Variants in PRCC observed in about 807,000 individuals in gnomAD.
PRCC encodes proline rich mitotic checkpoint control factor.
In PRCC, 10 loss-of-function variants were observed where a neutral mutation model predicts 44.0. That is an observed-to-expected ratio of 0.23 (90% CI 0.14 to 0.39). The LOEUF (loss-of-function observed/expected upper bound fraction) is 0.39, where lower values mean the gene tolerates loss of function less well. Ranked by LOEUF, PRCC falls within the 10% of genes least tolerant of loss-of-function variation. PRCC has a pLI of 1.00. For synonymous variants in PRCC, 278 were observed against 259.5 expected (o/e 1.07, Z -0.69); for missense variants, 573 against 624.7 (o/e 0.92, Z 0.88).
chr1:156,779,888 C>T (rs989422650), intron 1 of PRCC, among the ~76,000 whole-genome samples: 11 of 151,184 alleles, frequency 7.3e-5, no homozygotes, highest in African/African-American at 2.4e-4. Flanking sequence ...AGCCACCATG[C>T]CTGGTCTATT....
intron 6 of PRCC, among the ~76,000 whole-genome samples, chr1:156,798,891 G>A (rs1652753881): frequency 6.7e-6 from 1 of 149,974 alleles, no homozygotes; most frequent in Non-Finnish European, 1.5e-5. Context: ...TGAAAAACAC[G>A]AGAACTGAGA....
chr1:156,794,575 A>G, intron 4 of PRCC, 90 bp from the exon 5 acceptor site: 6 of 1,499,762 alleles, frequency 4.0e-6, no homozygotes, highest in South Asian at 1.3e-5. Context: ...TTGGTGAGTC[A>G]CAAAATCATT....
chr1:156,787,450 GATATATATATATATATATATATATAT>G (rs57206380), intron 3 of PRCC, among the ~76,000 whole-genome samples: 4,199 of 124,852 alleles, frequency 0.034, 144 homozygotes, highest in East Asian at 0.072. Context: ...ATTTGTGATT[GATATATATATATATATATATATATAT>G]ATATATATAT....
intron 1 of PRCC, among the ~76,000 whole-genome samples, chr1:156,768,456 C>T (rs1248089736): frequency 6.6e-6 from 1 of 152,190 alleles, no homozygotes; most frequent in Non-Finnish European, 1.5e-5. Flanking sequence ...GGCTTGCCTG[C>T]AGAAGGCCAC....
In PRCC at chr1:156,786,850, C is replaced by T. The variant is rs1484470332; in HGVS notation, c.759C>T (p.Ala253=). 5.0e-6 allele frequency: 8 copies of T among 1,614,092 alleles called. No individual in the cohort carries two copies. The highest frequency in any genetic ancestry group is 2.2e-5 in the South Asian group (2 of 91,086). The change falls in exon 3 of 7, where the codon GCC becomes GCT. Residue 253 remains alanine, a synonymous_variant. Coordinates refer to ENST00000271526, the MANE Select transcript of PRCC (RefSeq NM_005973.5). The part of the protein sequence containing the change: ...SAIKAAAKSA[A]LQVTKQITQE... ...TCAAGGCTGCTGCCAAGAGTGCTGC[C>T]CTGCAGGTGACAAAGCAGATCACGC...
At chr1:156,791,388 C>T in intron 3 of PRCC, 1 of 468,494 alleles carries the variant, frequency 2.1e-6, no homozygotes, top group Non-Finnish European at 4.0e-6. Context: ...GAGAGTCTCT[C>T]TTAGGAAGTA....
chr1:156,775,099 T>G (rs1651774055), intron 1 of PRCC, among the ~76,000 whole-genome samples: 2 of 151,726 alleles, frequency 1.3e-5, no homozygotes. Flanking sequence ...ATACAAAAAA[T>G]TAGCCAAGCG....
intron 2 of PRCC, among the ~76,000 whole-genome samples, chr1:156,783,111 T>G (rs901297122): frequency 1.3e-5 from 2 of 151,954 alleles, no homozygotes. Context: ...TCCATGTTGG[T>G]CAGGCTGGTC....
intron 3 of PRCC, among the ~76,000 whole-genome samples, chr1:156,788,814 A>T (rs1177869542): frequency 6.6e-6 from 1 of 151,776 alleles, no homozygotes; most frequent in African/African-American, 2.4e-5. Flanking sequence ...GGCATGCGCC[A>T]CCATGACCCG....
At chr1:156,769,052 C>A (rs142742644) in intron 1 of PRCC, among the ~76,000 whole-genome samples, 1 of 152,312 alleles carries the variant, frequency 6.6e-6, no homozygotes, top group East Asian at 1.9e-4. Flanking sequence ...ATACAAGGCT[C>A]CTGGAGTGAG....
At chr1:156,791,120 G>C in intron 3 of PRCC, 1 of 1,419,276 alleles carries the variant, frequency 7.0e-7, no homozygotes, top group Non-Finnish European at 9.5e-7. Flanking sequence ...TGAGATTCCT[G>C]AACTCAAAAT....
chr1:156,777,412 G>A (rs967082142), intron 1 of PRCC, among the ~76,000 whole-genome samples: 1 of 152,142 alleles, frequency 6.6e-6, no homozygotes, highest in African/African-American at 2.4e-5. Flanking sequence ...AATGAAAAAT[G>A]AGTAAATTGC....
rs760706144 is a variant in PRCC, at chr1:156,787,057, A to T, written c.966A>T (p.Glu322Asp). 33 of 1,614,054 alleles carry T rather than the reference A, an allele frequency of 2.0e-5. No individual in the cohort carries two copies. The highest frequency in any genetic ancestry group is 2.7e-5 in the Non-Finnish European group (32 of 1,180,014). The change falls in exon 3 of 7, where the codon GAA becomes GAT. Residue 322 changes from glutamate (E) to aspartate (D), a missense_variant. Transcript: ENST00000271526. ...FQDDAANAPL[E>D]FKMAAGSSGA... ...ACGATGCAGCCAATGCCCCCCTTGA[A>T]TTCAAGATGGCAGCAGGTTCAAGTG...
chr1:156,773,156 C>T (rs569270729), intron 1 of PRCC, among the ~76,000 whole-genome samples: 6 of 152,202 alleles, frequency 3.9e-5, no homozygotes, highest in South Asian at 2.1e-4. Context: ...TTTGGAGCCC[C>T]GGGGTGTGGT....
At chr1:156,773,285 A>G (rs1233251437) in intron 1 of PRCC, among the ~76,000 whole-genome samples, 1 of 152,034 alleles carries the variant, frequency 6.6e-6, no homozygotes, top group Admixed American at 6.6e-5. Flanking sequence ...GATAAGAGAG[A>G]GGCCGCCGTG....
chr1:156,792,385 A>G (rs949869190), intron 4 of PRCC, among the ~76,000 whole-genome samples: 2 of 151,942 alleles, frequency 1.3e-5, no homozygotes, highest in Admixed American at 6.6e-5. Flanking sequence ...GAGCACGTCC[A>G]CTTTGATCTC....
intron 3 of PRCC, 165 bp from the exon 4 acceptor site, chr1:156,791,532 G>A (rs938397598): frequency 1.5e-5 from 9 of 612,828 alleles, no homozygotes; most frequent in South Asian, 4.2e-5. Context: ...GTTGTAGGTC[G>A]GTCCTTGGGA....
At chr1:156,787,347 AG>A (rs1174259751) in intron 3 of PRCC, among the ~76,000 whole-genome samples, 173 bp downstream of exon 3, 2 of 151,942 alleles carry the variant, frequency 1.3e-5, no homozygotes, top group African/African-American at 4.8e-5. Context: ...AAATTGCCCA[AG>A]TCTTAAAGTG....
chr1:156,784,359 G>T (rs554536334), intron 2 of PRCC, among the ~76,000 whole-genome samples: 1 of 152,178 alleles, frequency 6.6e-6, no homozygotes, highest in Non-Finnish European at 1.5e-5. Flanking sequence ...AGGTAGACTG[G>T]CTCAGAAGGC....
Sources: gnomAD v4.1 joint callset for allele counts (sites outside exome capture counted in the v4.1 genomes callset) on GRCh38, gnomAD v4.1.1 for gene constraint, MANE v1.5 for transcripts, NCBI Gene and HGNC (gene_info 2026-07-23, HGNC 2026-07-21) for gene names.